Variants in PTPN3 observed in about 807,000 individuals in gnomAD.
The protein encoded by PTPN3 is tyrosine-protein phosphatase non-receptor type 3.
A neutral mutation model predicts 132.7 loss-of-function variants in PTPN3; 96 were observed. The ratio of observed to expected loss-of-function variants is 0.72; its 90% CI spans 0.61 to 0.86. The LOEUF is 0.86. Among genes scored for constraint, PTPN3 ranks in the 40% least tolerant of loss-of-function variants. PTPN3 has a pLI of 0.00. For missense variants in PTPN3, 1,125 were observed against 1,159.6 expected, an observed-to-expected ratio of 0.97 and a Z score of 0.43; for synonymous variants, 398 against 429.0, an observed-to-expected ratio of 0.93 and a Z score of 0.89.
intron 2 of PTPN3, among the ~76,000 whole-genome samples, chr9:109,462,406 T>C (rs1255488406): frequency 6.6e-6 from 1 of 152,254 alleles, no homozygotes; most frequent in Non-Finnish European, 1.5e-5. Context: ...GATCAGTTTT[T>C]GTCACCCTTT....
At chr9:109,417,243 G>A (rs900436005) in intron 14 of PTPN3, among the ~76,000 whole-genome samples, 1 of 152,242 alleles carries the variant, frequency 6.6e-6, no homozygotes, top group African/African-American at 2.4e-5. Context: ...AAACCAGCAA[G>A]TGACTCATCC....
chr9:109,415,080 A>G (rs372116047), intron 14 of PTPN3, among the ~76,000 whole-genome samples: 402 of 48,672 alleles, frequency 8.3e-3, no homozygotes, highest in Admixed American at 0.013. Context: ...CCATCCAACC[A>G]TCCATCCATC....
intron 12 of PTPN3, among the ~76,000 whole-genome samples, chr9:109,424,627 T>C (rs1386443605): frequency 6.6e-6 from 1 of 151,914 alleles, no homozygotes; most frequent in African/African-American, 2.4e-5. Context: ...TGCTAAGGAG[T>C]CCAGGTGAGT....
upstream of PTPN3, among the ~76,000 whole-genome samples, chr9:109,499,098 A>G (rs977045295): frequency 6.6e-6 from 1 of 151,954 alleles, no homozygotes; most frequent in African/African-American, 2.4e-5. Context: ...TGGGGAACAA[A>G]TAGACAAAAA....
chr9:109,529,727 A>G, the PTPN3 span, among the ~76,000 whole-genome samples: 1 of 152,218 alleles, frequency 6.6e-6, no homozygotes. Flanking sequence ...GCGCATTCAC[A>G]TTGTTGTGCA....
chr9:109,514,761 C>T, the PTPN3 span, among the ~76,000 whole-genome samples: 1 of 152,136 alleles, frequency 6.6e-6, no homozygotes, highest in Admixed American at 6.5e-5. Context: ...CTTCCCCCTG[C>T]TTGACTTTGG....
intron 14 of PTPN3, among the ~76,000 whole-genome samples, chr9:109,412,002 C>A (rs1053929691): frequency 6.6e-6 from 1 of 152,160 alleles, no homozygotes; most frequent in Non-Finnish European, 1.5e-5. Flanking sequence ...CTTTCACTTA[C>A]GTAAAAGGAA....
the PTPN3 span, chr9:109,533,677 C>T: frequency 6.7e-7 from 1 of 1,485,572 alleles, no homozygotes; most frequent in Non-Finnish European, 9.2e-7. Flanking sequence ...CAGCACCCTC[C>T]ATCACTTCTC....
chr9:109,487,425 C>A (rs1206696737), intron 1 of PTPN3, among the ~76,000 whole-genome samples: 1 of 152,212 alleles, frequency 6.6e-6, no homozygotes, highest in African/African-American at 2.4e-5. Context: ...CAGTCCCTGG[C>A]GTCCGAATGA....
At chr9:109,533,559 C>A in the PTPN3 span, 125,275 of 1,596,726 alleles carry the variant, frequency 0.078, 5,863 homozygotes, top group East Asian at 0.22. Context: ...TCATTGCCGT[C>A]CTCTCTAGGC....
the PTPN3 span, among the ~76,000 whole-genome samples, chr9:109,530,284 T>G: frequency 6.6e-6 from 1 of 152,210 alleles, no homozygotes; most frequent in Admixed American, 6.5e-5. Flanking sequence ...TTCTATCTTC[T>G]GTCTCCCTGA....
intron 22 of PTPN3, among the ~76,000 whole-genome samples, chr9:109,388,571 C>T (rs1839794937): frequency 6.6e-6 from 1 of 152,082 alleles, no homozygotes; most frequent in African/African-American, 2.4e-5. Flanking sequence ...CGGACAGCAG[C>T]CATAGGAGTG....
rs537098718 is a variant in PTPN3 at position 109,380,348 on chromosome 9, T to C, written c.2665-715A>G. ...TTGGCTCACTGCAACCTCCACCTCC[T>C]GGGTTCAAGCGATTCTCCTGCCTCA... On this transcript the variant is annotated intron_variant, in intron 25 of 25. Coordinates refer to ENST00000374541, the MANE Select transcript of PTPN3 (RefSeq NM_002829.4). Among the ~76,000 whole-genome samples, 67 of 152,254 alleles carry C rather than the reference T, an allele frequency of 4.4e-4. 1 individual carries two copies. In the South Asian group the frequency reaches 0.014, roughly 31 times the overall value.
intron 16 of PTPN3, 136 bp downstream of exon 16, chr9:109,409,863 C>G (rs570841411): frequency 7.2e-7 from 1 of 1,385,452 alleles, no homozygotes; most frequent in East Asian, 2.6e-5. Flanking sequence ...CAAAAAAAAC[C>G]CCCAACTCTC....
intron 22 of PTPN3, among the ~76,000 whole-genome samples, chr9:109,387,814 C>G (rs1236090375): frequency 1.3e-5 from 2 of 152,186 alleles, no homozygotes; most frequent in Non-Finnish European, 2.9e-5. Flanking sequence ...AGAAACATCT[C>G]TGATGGAAAG....
In PTPN3 at chr9:109,469,601, AGAGT is replaced by A. The variant is rs201343651; in HGVS notation, c.-17-6154_-17-6151del. On this transcript the variant is annotated intron_variant, in intron 1 of 25. Coordinates refer to ENST00000374541, the MANE Select transcript of PTPN3 (RefSeq NM_002829.4). Reference sequence around the variant, plus strand: ...GCCATTGCACTCCAGCCTGAGCGACAGAGTGAGACTCTTATCTCAAATAAATAAA... The same window carrying A: ...GCCATTGCACTCCAGCCTGAGCGACAGAGACTCTTATCTCAAATAAATAAA... Among the ~76,000 whole-genome samples, 10 of 152,380 alleles carry A rather than the reference AGAGT, an allele frequency of 6.6e-5. No homozygotes were observed. The East Asian group carries it at 1.5e-3, about 23-fold the overall frequency.
chr9:109,379,884 G>A lies in PTPN3; in HGVS notation c.2665-251C>T, dbSNP rs113618230. On this transcript the variant is annotated intron_variant, in intron 25 of 25. Coordinates refer to ENST00000374541, the MANE Select transcript of PTPN3 (RefSeq NM_002829.4). ...CTGGCGGTCTGGGGGAGGTGGGAAG[G>A]AGCAAAAGTCCCTGCGGGACAGCCC... 8.0e-3 allele frequency among the ~76,000 whole-genome samples: 1,211 copies of A among 152,298 alleles called. 13 individuals are homozygous for A. Among genetic ancestry groups the A allele is most frequent in the African/African-American group, 0.028 (1,149 of 41,558 alleles).
intron 19 of PTPN3, among the ~76,000 whole-genome samples, chr9:109,393,535 C>T (rs1346818679): frequency 6.6e-6 from 1 of 151,738 alleles, no homozygotes; most frequent in Admixed American, 6.6e-5. Flanking sequence ...TATAGGTATC[C>T]ATCACCACAC....
chr9:109,491,929 C>A (rs1847480557), intron 1 of PTPN3, among the ~76,000 whole-genome samples: 1 of 152,184 alleles, frequency 6.6e-6, no homozygotes, highest in Admixed American at 6.5e-5. Flanking sequence ...ATGGAAGACT[C>A]CCCCGTCTGT....
Sources: allele counts gnomAD v4.1 joint callset (sites outside exome capture counted in the v4.1 genomes callset), GRCh38; gene constraint gnomAD v4.1.1; transcripts MANE v1.5; gene names NCBI Gene and HGNC (gene_info 2026-07-23, HGNC 2026-07-21).